USP7: variants seen among roughly 807,000 people sequenced by gnomAD.
USP7 encodes ubiquitin specific peptidase 7.
Under a neutral mutation model 162.9 loss-of-function variants are expected in USP7, and 9 were observed. The observed-to-expected ratio is 0.06, with a 90% CI of 0.03 to 0.10. USP7 has a LOEUF of 0.10. Ranked by LOEUF, USP7 falls within the 10% of genes least tolerant of loss-of-function variation. The pLI, the probability that USP7 is intolerant of heterozygous loss-of-function variation, is 1.00. For synonymous variants in USP7, 562 were observed against 475.9 expected (o/e 1.18, Z -2.35); for missense variants, 715 against 1,373.7 (o/e 0.52, Z 7.58).
At chr16:8,940,921 T>C (rs1479645412) in intron 1 of USP7, among the ~76,000 whole-genome samples, 1 of 152,016 alleles carries the variant, frequency 6.6e-6, no homozygotes, top group Admixed American at 6.6e-5. Flanking sequence ...GGTAATCAAG[T>C]GGGGGTGAAG....
chr16:8,941,170 C>T (rs1899030481), intron 1 of USP7, among the ~76,000 whole-genome samples: 1 of 152,168 alleles, frequency 6.6e-6, no homozygotes, highest in Admixed American at 6.5e-5. Context: ...CACCAAATTA[C>T]TTCCCAGCCC....
At chr16:8,916,136 T>C (rs1352762949) in intron 8 of USP7, among the ~76,000 whole-genome samples, 1 of 152,216 alleles carries the variant, frequency 6.6e-6, no homozygotes, top group African/African-American at 2.4e-5. Flanking sequence ...AGGAGGGGTC[T>C]GGACACTGGA....
chr16:8,957,773 A>AC (rs1491555268), intron 1 of USP7, among the ~76,000 whole-genome samples: 4 of 148,230 alleles, frequency 2.7e-5, no homozygotes, highest in South Asian at 2.1e-4. Context: ...TAAAAAAAAA[A>AC]CAAAAAAAAA....
intron 1 of USP7, among the ~76,000 whole-genome samples, chr16:8,933,347 G>C (rs1898483368): frequency 2.0e-5 from 3 of 152,094 alleles, no homozygotes; most frequent in Non-Finnish European, 4.4e-5. Flanking sequence ...AGGAGTCCGA[G>C]ACCAACATGG....
At chr16:8,894,167 G>T in intron 30 of USP7, 63 bp from the exon 31 acceptor site, 2 of 1,481,718 alleles carry the variant, frequency 1.3e-6, no homozygotes, top group South Asian at 1.1e-5. Flanking sequence ...TCAGCGGGGT[G>T]GTGGCCAGTG....
chr16:8,895,055 G>T lies in USP7; in HGVS notation c.3015C>A (p.Ile1005=). The change falls in exon 28 of 31, where the codon ATC becomes ATA. Residue 1005 remains isoleucine (I), a synonymous_variant. Transcript: ENST00000344836. The stretch of plus-strand genomic sequence containing the variant: ...CCTGGTGTATCCTCAGCAAAAACGG[G>T]ATTCCGAACGTTCCGAAGACCTCTT... ...FHKEVFGTFG[I]PFLLRIHQGE... 6.2e-7 allele frequency: 1 copy of T among 1,614,240 alleles called. No individual in the cohort carries two copies. Among genetic ancestry groups the T allele is most frequent in the Non-Finnish European group, 8.5e-7 (1 of 1,180,050 alleles).
At chr16:8,942,089 G>A (rs912959459) in intron 1 of USP7, among the ~76,000 whole-genome samples, 8 of 152,226 alleles carry the variant, frequency 5.3e-5, no homozygotes, top group Non-Finnish European at 8.8e-5. Context: ...AGAGCAAACC[G>A]CAACAGGAAC....
chr16:8,963,013 G>A (rs1900082621), intron 1 of USP7, 194 bp downstream of exon 1: 2 of 317,082 alleles, frequency 6.3e-6, no homozygotes, highest in Admixed American at 5.6e-5. Context: ...CCGGGGTCCC[G>A]GCGGCCGCCC....
rs115019180 is a variant in USP7, at chr16:8,928,446, G to A, written c.184+1847C>T. On this transcript the variant is annotated intron_variant, in intron 2 of 30. Coordinates refer to ENST00000344836, the MANE Select transcript of USP7 (RefSeq NM_003470.3). Reference sequence around the variant, plus strand: ...CTGATATGACAACCCTGAGACATACGACAGTAAATAAAGCTTGTTTAGCCC... The same window carrying A: ...CTGATATGACAACCCTGAGACATACAACAGTAAATAAAGCTTGTTTAGCCC... Among the ~76,000 whole-genome samples, 4 of 152,260 alleles carry A rather than the reference G, an allele frequency of 2.6e-5. No homozygotes were observed. In the South Asian group the frequency reaches 6.2e-4, roughly 24 times the overall value.
chr16:8,912,392 G>A (rs113966488), intron 10 of USP7, among the ~76,000 whole-genome samples: 1 of 151,534 alleles, frequency 6.6e-6, no homozygotes, highest in Non-Finnish European at 1.5e-5. Flanking sequence ...AAAGGTTGTA[G>A]TGAGCTGAGA....
Position 8,893,895 on chromosome 16 carries a change from C to A in USP7, c.*103G>T. On this transcript the variant is annotated 3_prime_UTR_variant, in exon 31 of 31. Transcript: ENST00000344836. The stretch of plus-strand genomic sequence containing the variant: ...AATAAAATTAACACCAGCAGCGAAT[C>A]CTCTTGCTGAAGACTTCGGCTAGAG... 3.0e-6 allele frequency: 3 copies of A among 994,678 alleles called. No homozygotes were observed. The highest frequency in any genetic ancestry group is 4.8e-6 in the Non-Finnish European group (3 of 627,162). 61.6% of individuals were successfully genotyped at this position (994,678 alleles called of 1,614,324 possible).
intron 1 of USP7, among the ~76,000 whole-genome samples, chr16:8,946,496 G>A (rs1021070418): frequency 5.3e-5 from 8 of 152,176 alleles, no homozygotes; most frequent in African/African-American, 1.7e-4. Context: ...GAATACACAC[G>A]AGCTACAGAC....
At chr16:8,904,111 CCAGGTGTTACAAATACT>C (rs935870511) in intron 15 of USP7, among the ~76,000 whole-genome samples, 7 of 152,320 alleles carry the variant, frequency 4.6e-5, no homozygotes, top group Middle Eastern at 6.8e-3. Flanking sequence ...ACCAACAGGG[CCAGGTGTTACAAATACT>C]CAGGCAGCTG....
Position 8,914,920 on chromosome 16 carries a change from C to G in USP7, c.1078+334G>C, listed in dbSNP as rs143024328. Among the ~76,000 whole-genome samples, 412 of 152,316 alleles carry G rather than the reference C, an allele frequency of 2.7e-3. 2 individuals carry two copies. The highest frequency in any genetic ancestry group is 9.2e-3 in the African/African-American group (382 of 41,586). ...AACAAGACCCTATCTCAAAAAACAA[C>G]AGCGAAATAAACAAACAAATACATC... On this transcript the variant is annotated intron_variant, in intron 10 of 30. Transcript: ENST00000344836.
intron 1 of USP7, among the ~76,000 whole-genome samples, chr16:8,959,635 A>T (rs1300492626): frequency 6.6e-6 from 1 of 152,164 alleles, no homozygotes; most frequent in Non-Finnish European, 1.5e-5. Flanking sequence ...GAAAATCAAC[A>T]CTCTCGAATT....
Position 8,928,042 on chromosome 16 carries a change from G to A in USP7, c.184+2251C>T, listed in dbSNP as rs538322632. On this transcript the variant is annotated intron_variant, in intron 2 of 30. Transcript: ENST00000344836. ...CATCTCATGAAAAATAGTGAATAAGGAACTAAAAGTAGAATGAGTAGATAC... is the reference window on the plus strand; with the variant it reads ...CATCTCATGAAAAATAGTGAATAAGAAACTAAAAGTAGAATGAGTAGATAC... 1.0e-3 allele frequency among the ~76,000 whole-genome samples: 152 copies of A among 152,270 alleles called. 1 individual carries two copies. The highest frequency in any genetic ancestry group is 1.9e-3 in the Non-Finnish European group (132 of 68,016).
At chr16:8,956,267 A>G (rs934901761) in intron 1 of USP7, 3 of 152,176 alleles carry the variant, frequency 2.0e-5, no homozygotes, top group African/African-American at 7.2e-5. Context: ...CCTTCTAAAT[A>G]GTTTTTAGAT....
chr16:8,963,638 CCGGCCGGGGG>C lies in USP7; in HGVS notation c.-363_-354del, dbSNP rs1567254169. On this transcript the variant is annotated 5_prime_UTR_variant, in exon 1 of 31. Coordinates refer to ENST00000344836, the MANE Select transcript of USP7 (RefSeq NM_003470.3). Reference sequence around the variant, plus strand: ...GGGGCCGGGGCTGCGGGGCCGCGGGCCGGCCGGGGGCGGAGGGCGGCCGGTCGGGGGCCGC... The same window carrying C: ...GGGGCCGGGGCTGCGGGGCCGCGGGCCGGAGGGCGGCCGGTCGGGGGCCGC... 7.1e-6 allele frequency among the ~76,000 whole-genome samples: 1 copy of C among 141,708 alleles called. No individual in the cohort carries two copies. Among genetic ancestry groups the C allele is most frequent in the East Asian group, 2.2e-4 (1 of 4,600 alleles). The allele number at this position is 141,708 out of a possible 152,430, so 93.0% of individuals were successfully genotyped here. A position where few individuals can be genotyped will look rare whatever the true frequency, so the allele number is the denominator to read the frequency against.
At chr16:8,916,666 A>T (rs934993069) in intron 7 of USP7, 110 bp from the exon 8 acceptor site, 10 of 1,106,288 alleles carry the variant, frequency 9.0e-6, no homozygotes, top group Non-Finnish European at 1.3e-5. Context: ...TTATTCTCAA[A>T]TTCCTTTTCT....
Sources: allele counts gnomAD v4.1 joint callset (sites outside exome capture counted in the v4.1 genomes callset), GRCh38; gene constraint gnomAD v4.1.1; transcripts MANE v1.5; gene names NCBI Gene and HGNC (gene_info 2026-07-23, HGNC 2026-07-21).